Variants in C1orf167 observed in about 807,000 individuals in gnomAD.
C1orf167 encodes the protein uncharacterized protein C1orf167.
In C1orf167, 153 loss-of-function variants were observed where a neutral mutation model predicts 176.5. That is an observed-to-expected ratio of 0.87 (90% CI 0.76 to 0.99). The LOEUF (loss-of-function observed/expected upper bound fraction) is 0.99. Ranked by LOEUF, C1orf167 falls within the 50% of genes least tolerant of loss-of-function variation. The pLI, the probability that C1orf167 is intolerant of heterozygous loss-of-function variation, is 0.00. For synonymous variants in C1orf167, 594 were observed against 752.7 expected, an observed-to-expected ratio of 0.79 and a Z score of 3.45; for missense variants, 1,490 against 1,817.7, an observed-to-expected ratio of 0.82 and a Z score of 3.28.
In C1orf167 at chr1:11,789,291, C is replaced by T. The variant is rs750033466; in HGVS notation, c.4195C>T (p.Arg1399Cys). ...CCAGGCCTTTAAGAAGTGGCACCAA[C>T]GCCTGGCAGCCAGGAGCCCAAGGAG... ...GRWAFKKWHQ[R>C]LAARSPRRGA... is the part of the protein sequence containing the mutation. Residue 1399 changes from arginine (R) to cysteine (C), a missense_variant, in exon 21 of 21, where the codon CGC becomes TGC. Arg to Cys is a radical substitution (Grantham distance 180, BLOSUM62 -3). Transcript: ENST00000688073. The T allele has an allele frequency of 1.1e-4, 144 of 1,303,944 alleles. 1 individual carries two copies. Among genetic ancestry groups the T allele is most frequent in the South Asian group, 2.1e-4 (17 of 81,008 alleles). 80.8% of individuals were successfully genotyped at this position (1,303,944 alleles called of 1,614,324 possible). A position where few individuals can be genotyped will look rare whatever the true frequency, so the allele number is the denominator to read the frequency against.
intron 2 of C1orf167, 61 bp downstream of exon 2, chr1:11,764,531 GC>G: frequency 8.0e-7 from 1 of 1,246,880 alleles, no homozygotes; most frequent in Non-Finnish European, 1.1e-6. Context: ...CTAGGTATTG[GC>G]CCAGAGCCCC....
intron 6 of C1orf167, 122 bp downstream of exon 6, chr1:11,769,249 A>T (rs1374353756): frequency 3.6e-6 from 3 of 834,350 alleles, no homozygotes; most frequent in African/African-American, 1.8e-5. Flanking sequence ...GCAAAGATTT[A>T]TGCAAAAAAG....
In C1orf167 at chr1:11,766,237, G is replaced by T. The variant is rs183011311; in HGVS notation, c.451G>T (p.Gly151Cys). ...GSSGPHKLPWGPLLSQEPLAR... is the reference protein window; with the variant it reads ...GSSGPHKLPWCPLLSQEPLAR... ...CTCTGGGCCCCACAAGCTTCCCTGG[G>T]GTCCTCTCCTATCCCAAGAGCCACT... is the stretch of plus-strand genomic sequence containing the variant. The change falls in exon 3 of 21, where the codon GGT (glycine) becomes TGT (cysteine). Residue 151 changes from glycine (G) to cysteine (C), a missense_variant. By Grantham distance (159) the Gly-to-Cys change is radical (BLOSUM62 -3). Coordinates refer to ENST00000688073, the MANE Select transcript of C1orf167 (RefSeq NM_001010881.2). The surrounding 1 kb of genome is among the most constrained non-coding windows in gnomAD (Gnocchi z 4.5). 1.8e-4 allele frequency: 229 copies of T among 1,289,790 alleles called. 3 individuals are homozygous for T. In the African/African-American group the frequency reaches 3.1e-3, roughly 18 times the overall value. 79.9% of individuals were successfully genotyped at this position (1,289,790 alleles called of 1,614,324 possible). A position where few individuals can be genotyped will look rare whatever the true frequency, so the allele number is the denominator to read the frequency against.
In C1orf167 at chr1:11,767,219, A is replaced by T; in HGVS notation, c.1300-2A>T. The stretch of plus-strand genomic sequence containing the variant: ...CTGTGTTATGTACTCTTGCTTTCCC[A>T]GAACAAGGCACAAAACATCACAGCC... On this transcript the variant is annotated splice_acceptor_variant, in intron 3 of 20. Coordinates refer to ENST00000688073, the MANE Select transcript of C1orf167 (RefSeq NM_001010881.2). LOFTEE classifies it high-confidence loss of function. 7.8e-7 allele frequency: 1 copy of T among 1,289,734 alleles called. No individual in the cohort carries two copies. The highest frequency in any genetic ancestry group is 1.0e-6 in the Non-Finnish European group (1 of 988,846). The allele number at this position is 1,289,734 out of a possible 1,614,324, so 79.9% of individuals were successfully genotyped here.
rs1642891182 is a variant in C1orf167, at chr1:11,768,182, A to G, written c.1449A>G (p.Arg483=). The G allele has an allele frequency of 7.8e-7, 1 of 1,289,712 alleles. No individual in the cohort carries two copies. The highest frequency in any genetic ancestry group is 1.0e-6 in the Non-Finnish European group (1 of 988,732). 79.9% of individuals were successfully genotyped at this position (1,289,712 alleles called of 1,614,324 possible). A position where few individuals can be genotyped will look rare whatever the true frequency, so the allele number is the denominator to read the frequency against. Residue 483 remains arginine (R), a synonymous_variant, in exon 5 of 21, where the codon CGA becomes CGG. Transcript: ENST00000688073. This position sits in a 1 kb window ranked among gnomAD's most constrained non-coding sequence, Gnocchi z 4.5. ...AVALGRWQLL[R]KCLQALWLRE... ...CACTGGGCCGCTGGCAGCTGTTGCG[A>G]AAGTGCCTTCAGGCCTTGTGGCTCC...
At chr1:11,764,536 G>C in intron 2 of C1orf167, 66 bp downstream of exon 2, 1 of 1,240,760 alleles carries the variant, frequency 8.1e-7, no homozygotes, top group Non-Finnish European at 1.1e-6. Flanking sequence ...TATTGGCCCA[G>C]AGCCCCCCTC....
chr1:11,765,391 C>T (rs973122709), intron 2 of C1orf167, among the ~76,000 whole-genome samples: 2 of 152,230 alleles, frequency 1.3e-5, no homozygotes, highest in South Asian at 4.1e-4. Flanking sequence ...TACCTTTAGC[C>T]GTGGCTCTAT....
At chr1:11,762,604 G>C (rs866562478) in intron 1 of C1orf167, among the ~76,000 whole-genome samples, 1 of 152,196 alleles carries the variant, frequency 6.6e-6, no homozygotes, top group Non-Finnish European at 1.5e-5. Context: ...TCCCTCTGAG[G>C]CCTTGGGTGG....
rs186406762 is a variant in C1orf167, at chr1:11,768,722, C to T, written c.1543-251C>T. ...TCCTTCCCTCCTTGGGAAAGGGGTG[C>T]TCTGAGAGGGTCCAGTCGCAGCTTT... On this transcript the variant is annotated intron_variant, in intron 5 of 20. Coordinates refer to ENST00000688073, the MANE Select transcript of C1orf167 (RefSeq NM_001010881.2). This position sits in a 1 kb window ranked among gnomAD's most constrained non-coding sequence, Gnocchi z 4.5. Among the ~76,000 whole-genome samples the T allele has an allele frequency of 5.6e-3, 857 of 152,228 alleles. 15 individuals carry two copies. Among genetic ancestry groups the T allele is most frequent in the African/African-American group, 0.02 (821 of 41,534 alleles).
chr1:11,770,426 G>A (rs2100279486), intron 6 of C1orf167, among the ~76,000 whole-genome samples: 1 of 149,630 alleles, frequency 6.7e-6, no homozygotes, highest in South Asian at 2.1e-4. Flanking sequence ...TGGGACAGTG[G>A]GATTAAAGTC....
At chr1:11,767,163 G>T in intron 3 of C1orf167, 58 bp from the exon 4 acceptor site, 1 of 1,286,846 alleles carries the variant, frequency 7.8e-7, no homozygotes, top group Non-Finnish European at 1.0e-6. Context: ...GGCAGGGGGT[G>T]CCCTGTCCTG....
intron 13 of C1orf167, among the ~76,000 whole-genome samples, chr1:11,781,946 G>A (rs1643623155): frequency 1.3e-5 from 2 of 151,742 alleles, no homozygotes; most frequent in South Asian, 4.2e-4. Context: ...ATTTTTACCT[G>A]AATTCTCCAG....
rs1429075600 is a variant in C1orf167 at position 11,784,491 on chromosome 1, C to T, written c.3323C>T (p.Ala1108Val). ...CAGCAGGCAGGAGAGAGCGCTGGGG[C>T]CCAGGCAGCCCAGTGCTGGACTTGG... ...AQQQAGESAG[A>V]QAAQCWTWCW... is the part of the protein sequence containing the mutation. Residue 1108 changes from alanine to valine, a missense_variant, in exon 15 of 21, where the codon GCC becomes GTC. Ala to Val is a moderately conservative substitution (Grantham distance 64). Transcript: ENST00000688073. 1.5e-6 allele frequency: 2 copies of T among 1,302,932 alleles called. No homozygotes were observed. Among genetic ancestry groups the T allele is most frequent in the African/African-American group, 3.0e-5 (2 of 65,854 alleles). 80.7% of individuals were successfully genotyped at this position (1,302,932 alleles called of 1,614,324 possible).
In C1orf167 at chr1:11,775,571, G is replaced by A. The variant is rs780778526; in HGVS notation, c.2125G>A (p.Ala709Thr). 1.7e-5 allele frequency: 22 copies of A among 1,304,014 alleles called. No homozygotes were observed. The highest frequency in any genetic ancestry group is 2.2e-5 in the Non-Finnish European group (22 of 988,900). 80.8% of individuals were successfully genotyped at this position (1,304,014 alleles called of 1,614,324 possible). A position where few individuals can be genotyped will look rare whatever the true frequency, so the allele number is the denominator to read the frequency against. Residue 709 changes from alanine (A) to threonine (T), a missense_variant, in exon 9 of 21, where the codon GCA becomes ACA. Coordinates refer to ENST00000688073, the MANE Select transcript of C1orf167 (RefSeq NM_001010881.2). ...RMKQLRESDG[A>T]KVTQLSLCRQ... ...GAAGCAGCTCCGGGAATCAGATGGGGCAAAGGTGACCCAGCTGTCCCTCTG... is the reference window on the plus strand; with the variant it reads ...GAAGCAGCTCCGGGAATCAGATGGGACAAAGGTGACCCAGCTGTCCCTCTG...
In C1orf167 at chr1:11,771,573, C is replaced by T; in HGVS notation, c.1747C>T (p.Pro583Ser). ...EEIAQRLLSH[P>S]RQRTDSRHER... Reference sequence around the variant, plus strand: ...GATTGCTCAGCGGCTTCTGTCACATCCTAGGCAGAGAACAGACAGCAGACA... The same window carrying T: ...GATTGCTCAGCGGCTTCTGTCACATTCTAGGCAGAGAACAGACAGCAGACA... Residue 583 changes from proline (P) to serine (S), a missense_variant, in exon 7 of 21, where the codon CCT (proline) becomes TCT (serine). By Grantham distance (74) the Pro-to-Ser change is moderately conservative. Transcript: ENST00000688073. 1 of 1,289,818 alleles carries T rather than the reference C, an allele frequency of 7.8e-7. No individual in the cohort carries two copies. Among genetic ancestry groups the T allele is most frequent in the South Asian group, 1.2e-5 (1 of 81,022 alleles). The allele number at this position is 1,289,818 out of a possible 1,614,324, so 79.9% of individuals were successfully genotyped here. A position where few individuals can be genotyped will look rare whatever the true frequency, so the allele number is the denominator to read the frequency against.
At chr1:11,788,482 A>C in intron 19 of C1orf167, 104 bp downstream of exon 19, 3 of 1,150,328 alleles carry the variant, frequency 2.6e-6, no homozygotes, top group Non-Finnish European at 3.4e-6. Context: ...TGACTCCAAA[A>C]CCTTGGGGGA....
chr1:11,768,043 G>T lies in C1orf167; in HGVS notation c.1344-34G>T. The T allele has an allele frequency of 8.0e-7, 1 of 1,252,600 alleles. No homozygotes were observed. Among genetic ancestry groups the T allele is most frequent in the Non-Finnish European group, 1.0e-6 (1 of 967,814 alleles). 77.6% of individuals were successfully genotyped at this position (1,252,600 alleles called of 1,614,324 possible). On this transcript the variant is annotated intron_variant, in intron 4 of 20. Transcript: ENST00000688073. This position sits in a 1 kb window ranked among gnomAD's most constrained non-coding sequence, Gnocchi z 4.5. Reference sequence around the variant, plus strand: ...GGCTGTCCCTGGGGATAGGAGGGCAGTCCACACCCTGATCAGCCCTGGTCT... The same window carrying T: ...GGCTGTCCCTGGGGATAGGAGGGCATTCCACACCCTGATCAGCCCTGGTCT...
rs1438556369 is a variant in C1orf167, at chr1:11,785,171, C to T, written c.3449C>T (p.Ser1150Leu). The change falls in exon 16 of 21, where the codon TCG becomes TTG. Residue 1150 changes from serine to leucine, a missense_variant. Physicochemically the swap from Ser to Leu is moderately radical, Grantham distance 145. Coordinates refer to ENST00000688073, the MANE Select transcript of C1orf167 (RefSeq NM_001010881.2). The part of the protein sequence containing the change: ...RAWVLEASVQ[S>L]AVRGGVQRAI... ...AGGGTCCTAGAGGCCTCGGTGCAGT[C>T]GGCGGTGCGCGGCGGTGTCCAGCGA... is the stretch of plus-strand genomic sequence containing the variant. 10 of 1,291,248 alleles carry T rather than the reference C, an allele frequency of 7.7e-6. No individual in the cohort carries two copies. The highest frequency in any genetic ancestry group is 6.2e-5 in the South Asian group (5 of 80,978). The allele number at this position is 1,291,248 out of a possible 1,614,324, so 80.0% of individuals were successfully genotyped here.
chr1:11,769,186 C>G (rs1182232312), intron 6 of C1orf167, 59 bp downstream of exon 6: 1 of 969,842 alleles, frequency 1.0e-6, no homozygotes, highest in Middle Eastern at 5.2e-4. Context: ...CTGCCTTGCC[C>G]CCACTACTTC....
Sources: gnomAD v4.1 joint callset for allele counts (sites outside exome capture counted in the v4.1 genomes callset) on GRCh38, gnomAD v4.1.1 for gene constraint, Gnocchi (gnomAD v3.1) non-coding constraint, MANE v1.5 for transcripts, NCBI Gene and HGNC (gene_info 2026-07-23, HGNC 2026-07-21) for gene names.